Variants in ADAMTSL1 observed in about 807,000 individuals in gnomAD.
The protein encoded by ADAMTSL1 is ADAMTS-like protein 1.
Under a neutral mutation model 201.8 loss-of-function variants are expected in ADAMTSL1, and 126 were observed. That is an observed-to-expected ratio of 0.62 (90% confidence interval 0.54 to 0.72). The LOEUF (loss-of-function observed/expected upper bound fraction) is 0.72, where lower values mean the gene tolerates loss of function less well. Among genes scored for constraint, ADAMTSL1 ranks in the 30% least tolerant of loss-of-function variants. ADAMTSL1 has a pLI of 0.00. For synonymous variants in ADAMTSL1, 1,121 were observed against 903.4 expected (o/e 1.24, Z -4.32); for missense variants, 2,679 against 2,277.8 (o/e 1.18, Z -3.59).
At position 18,409,926 on chromosome 9, in the gene ADAMTSL1, A is replaced by G. The variant is rs553303897; in HGVS notation, c.208-94903A>G. Among the ~76,000 whole-genome samples the G allele has an allele frequency of 1.5e-3, 231 of 151,042 alleles. 2 individuals are homozygous for G. The highest frequency in any genetic ancestry group is 5.3e-3 in the African/African-American group (217 of 41,302). On this transcript the variant is annotated intron_variant, in intron 2 of 29. Coordinates refer to the ADAMTSL1 transcript ENST00000680146. ...CCTATTCCTACAGATTATTTATTTT[A>G]CTCTCTTCAAACTATACAGCTAGGA...
chr9:18,778,169 T>C (rs1010073298), intron 19 of ADAMTSL1, among the ~76,000 whole-genome samples: 2 of 152,224 alleles, frequency 1.3e-5, no homozygotes, highest in Non-Finnish European at 2.9e-5. Context: ...CCCTGTAGGA[T>C]CCCAAAGATA....
intron 2 of ADAMTSL1, among the ~76,000 whole-genome samples, chr9:18,234,056 G>C (rs1197467443): frequency 7.2e-5 from 11 of 152,228 alleles, no homozygotes; most frequent in Non-Finnish European, 1.3e-4. Flanking sequence ...GGCAGATGGA[G>C]AGAAGTGCAC....
chr9:18,731,626 G>GA lies in ADAMTSL1; in HGVS notation c.2006+9967dup, dbSNP rs1207254456. Among the ~76,000 whole-genome samples, 23 of 152,150 alleles carry GA rather than the reference G, an allele frequency of 1.5e-4. 1 individual carries two copies. Among genetic ancestry groups the GA allele is most frequent in the Admixed American group, 1.2e-3 (19 of 15,260 alleles). ...GCCACTCAAAAAGAAAAAAAAGGAA[G>GA]AAAAAAGAAAAGAGGTTTAATTAGC... On this transcript the variant is annotated intron_variant, in intron 15 of 28. Transcript: ENST00000380548.
chr9:18,564,501 G>T (rs1359479821), intron 3 of ADAMTSL1, among the ~76,000 whole-genome samples: 1 of 152,142 alleles, frequency 6.6e-6, no homozygotes, highest in Non-Finnish European at 1.5e-5. Flanking sequence ...GAAACATAAG[G>T]AACTTGTTTT....
intron 1 of ADAMTSL1, among the ~76,000 whole-genome samples, chr9:18,146,405 A>AAGCC (rs2132026072): frequency 6.6e-6 from 1 of 152,332 alleles, no homozygotes; most frequent in South Asian, 2.1e-4. Context: ...ATGAGCTATC[A>AAGCC]AGCCATGCAA....
intron 2 of ADAMTSL1, among the ~76,000 whole-genome samples, chr9:18,395,576 A>G (rs369440399): frequency 6.6e-6 from 1 of 152,200 alleles, no homozygotes; most frequent in Admixed American, 6.5e-5. Context: ...GCAAAATTCA[A>G]TGAATGAATG....
At chr9:18,009,965 A>G (rs984553559) in intron 1 of ADAMTSL1, among the ~76,000 whole-genome samples, 9 of 152,032 alleles carry the variant, frequency 5.9e-5, no homozygotes, top group African/African-American at 1.9e-4. Flanking sequence ...CTCGCTCTTA[A>G]CTTCATGAAC....
At chr9:18,525,036 A>C (rs1465006759) in intron 2 of ADAMTSL1, among the ~76,000 whole-genome samples, 1 of 152,116 alleles carries the variant, frequency 6.6e-6, no homozygotes, top group Non-Finnish European at 1.5e-5. Flanking sequence ...CTCCTTGTAC[A>C]TCCAGTAGAA....
At chr9:18,684,485 G>T (rs1321919113) in intron 12 of ADAMTSL1, among the ~76,000 whole-genome samples, 1 of 152,112 alleles carries the variant, frequency 6.6e-6, no homozygotes, top group Non-Finnish European at 1.5e-5. Flanking sequence ...ACTTTCCTTT[G>T]CTATTCATCA....
At chr9:18,685,492 G>C (rs1280920035) in intron 13 of ADAMTSL1, among the ~76,000 whole-genome samples, 1 of 152,198 alleles carries the variant, frequency 6.6e-6, no homozygotes, top group Non-Finnish European at 1.5e-5. Flanking sequence ...TTTTACAAAC[G>C]AGGGGATACA....
At chr9:17,951,505 T>G (rs1827726221) in intron 1 of ADAMTSL1, among the ~76,000 whole-genome samples, 1 of 152,204 alleles carries the variant, frequency 6.6e-6, no homozygotes, top group African/African-American at 2.4e-5. Flanking sequence ...AGTTTTAAAT[T>G]GTATCACAGC....
Position 18,466,944 on chromosome 9 carries a change from CCTGGTTTTCA to C in ADAMTSL1, c.208-37884_208-37875del, listed in dbSNP as rs1353682425. On this transcript the variant is annotated intron_variant, in intron 2 of 29. Coordinates refer to the ADAMTSL1 transcript ENST00000680146. Reference sequence around the variant, plus strand: ...CATTTCATTTTTGATCTATGTTTTCCCTGGTTTTCAGAAACCATTTTTTCTTTTGTAATTC... The same window carrying C: ...CATTTCATTTTTGATCTATGTTTTCCGAAACCATTTTTTCTTTTGTAATTC... Among the ~76,000 whole-genome samples the C allele has an allele frequency of 2.3e-4, 35 of 152,186 alleles. No homozygotes were observed. The South Asian group carries it at 6.8e-3, about 30-fold the overall frequency.
chr9:18,490,719 A>C (rs1822229683), intron 1 of ADAMTSL1, among the ~76,000 whole-genome samples: 3 of 152,024 alleles, frequency 2.0e-5, no homozygotes, highest in African/African-American at 7.2e-5. Context: ...ACAGGGGAGA[A>C]CTCGCTGCCA....
intron 1 of ADAMTSL1, among the ~76,000 whole-genome samples, chr9:18,499,265 C>A (rs959219581): frequency 2.0e-5 from 3 of 152,216 alleles, no homozygotes; most frequent in Non-Finnish European, 4.4e-5. Context: ...TCAGTATCCA[C>A]ACACTACGCT....
intron 13 of ADAMTSL1, among the ~76,000 whole-genome samples, chr9:18,694,754 G>A (rs544787): frequency 0.44 from 66,899 of 151,900 alleles, 14,986 homozygotes; most frequent in Admixed American, 0.55. Context: ...CAGGATGGTG[G>A]CCTTCTTCTC....
intron 1 of ADAMTSL1, among the ~76,000 whole-genome samples, chr9:17,962,731 A>C (rs946422639): frequency 1.6e-4 from 25 of 152,222 alleles, no homozygotes; most frequent in African/African-American, 4.6e-4. Context: ...GATTTCTGAT[A>C]CAGTTGTATA....
chr9:18,099,554 C>T (rs543416464), intron 1 of ADAMTSL1, among the ~76,000 whole-genome samples: 2 of 148,070 alleles, frequency 1.4e-5, no homozygotes, highest in South Asian at 2.1e-4. Context: ...ATCTGTATGT[C>T]GAAATTTTTT....
At chr9:18,017,195 G>A (rs1221248558) in intron 1 of ADAMTSL1, among the ~76,000 whole-genome samples, 3 of 151,934 alleles carry the variant, frequency 2.0e-5, no homozygotes, top group Admixed American at 6.6e-5. Flanking sequence ...TCTTGTTCAT[G>A]TTGTTCTTTG....
intron 2 of ADAMTSL1, among the ~76,000 whole-genome samples, chr9:18,292,522 G>C (rs1358855785): frequency 6.6e-6 from 1 of 152,132 alleles, no homozygotes; most frequent in East Asian, 1.9e-4. Context: ...ATTTGAGTCA[G>C]TGGACTGGGA....
Sources: allele counts gnomAD v4.1 joint callset (sites outside exome capture counted in the v4.1 genomes callset), GRCh38; gene constraint gnomAD v4.1.1; transcripts MANE v1.5; gene names NCBI Gene and HGNC (gene_info 2026-07-23, HGNC 2026-07-21).